The following DIP2B variants were observed in gnomAD, a reference collection of about 807,000 sequenced individuals.
The protein encoded by DIP2B is disco-interacting protein 2 homolog B.
A neutral mutation model predicts 198.0 loss-of-function variants in DIP2B; 76 were observed. That is an observed-to-expected ratio of 0.38 (90% CI 0.32 to 0.46). DIP2B has a LOEUF of 0.46. DIP2B is among the 20% of genes least tolerant of loss of function. The probability of loss-of-function intolerance (pLI) is 0.99; values close to 1 mark genes in which losing one functional copy is unlikely to be tolerated. For synonymous variants in DIP2B, 701 were observed against 739.1 expected, an observed-to-expected ratio of 0.95 and a Z score of 0.84; for missense variants, 1,559 against 1,978.4, an observed-to-expected ratio of 0.79 and a Z score of 4.02.
At chr12:50,660,079 G>T in intron 3 of DIP2B, 115 bp from the exon 4 acceptor site, 3 of 1,040,602 alleles carry the variant, frequency 2.9e-6, no homozygotes, top group Non-Finnish European at 2.6e-6. Context: ...TCATCTGAAC[G>T]TCCCCTTTAC....
At chr12:50,689,621 G>C (rs187367223) in intron 12 of DIP2B, among the ~76,000 whole-genome samples, 1 of 152,138 alleles carries the variant, frequency 6.6e-6, no homozygotes, top group East Asian at 1.9e-4. Flanking sequence ...GGGCAGGGAC[G>C]GGGGTAAAGA....
chr12:50,690,625 A>G (rs961404499), intron 12 of DIP2B, among the ~76,000 whole-genome samples: 2 of 152,210 alleles, frequency 1.3e-5, no homozygotes, highest in Non-Finnish European at 2.9e-5. Flanking sequence ...GGAGGAGCAA[A>G]TAGGCCATTC....
chr12:50,603,140 G>A (rs1958952951), intron 1 of DIP2B, among the ~76,000 whole-genome samples: 1 of 151,648 alleles, frequency 6.6e-6, no homozygotes, highest in Admixed American at 6.6e-5. Flanking sequence ...CTCCAGCCTG[G>A]GCGACAGAGC....
At chr12:50,646,846 A>T (rs138010674) in intron 3 of DIP2B, among the ~76,000 whole-genome samples, 1 of 152,116 alleles carries the variant, frequency 6.6e-6, no homozygotes, top group East Asian at 1.9e-4. Flanking sequence ...TCCAAATCTA[A>T]TCTCTGATCT....
intron 2 of DIP2B, among the ~76,000 whole-genome samples, chr12:50,628,674 A>G (rs528355236): frequency 1.3e-5 from 2 of 152,296 alleles, no homozygotes; most frequent in South Asian, 2.1e-4. Context: ...TTTACTTGTC[A>G]GCCACTTCCA....
intron 13 of DIP2B, 99 bp downstream of exon 13, chr12:50,691,250 C>T: frequency 9.4e-7 from 1 of 1,061,312 alleles, no homozygotes. Context: ...TGACCGAATT[C>T]AGAGTGAAAT....
At chr12:50,624,843 GT>G (rs962787163) in intron 1 of DIP2B, among the ~76,000 whole-genome samples, 2 of 152,172 alleles carry the variant, frequency 1.3e-5, no homozygotes, top group African/African-American at 4.8e-5. Flanking sequence ...GCAGTGCAGT[GT>G]TAAGTCCTCT....
rs1555179948 is a variant in DIP2B, at chr12:50,505,019, C to CGGCGGCGGCGGCGGCGGCGGCGGCGGT, written c.-117_-116insCGGCGGCGGCGGCGGCGGCGGTGGCGG. ...TTGCTCATGGCGGCGGCGGCGGCGG[C>CGGCGGCGGCGGCGGCGGCGGCGGCGGT]GGCGGTGCTGGTGGTGCTCGGCGGC... On this transcript the variant is annotated 5_prime_UTR_variant, in exon 1 of 38. Transcript: ENST00000301180. The CGGCGGCGGCGGCGGCGGCGGCGGCGGT allele has an allele frequency of 3.0e-6, 3 of 1,004,788 alleles. No individual in the cohort carries two copies. The highest frequency in any genetic ancestry group is 3.1e-4 in the Middle Eastern group (1 of 3,198). 62.2% of individuals were successfully genotyped at this position (1,004,788 alleles called of 1,614,324 possible).
chr12:50,613,066 C>T (rs1046337435), intron 1 of DIP2B, among the ~76,000 whole-genome samples: 2 of 152,220 alleles, frequency 1.3e-5, no homozygotes, highest in Admixed American at 6.5e-5. Flanking sequence ...TACGCAAACC[C>T]TCTCTTCCAA....
At chr12:50,549,403 G>A (rs1173864758) in intron 1 of DIP2B, among the ~76,000 whole-genome samples, 1 of 152,090 alleles carries the variant, frequency 6.6e-6, no homozygotes, top group African/African-American at 2.4e-5. Context: ...GGTGGCGGGT[G>A]CCTGTAGTCC....
At chr12:50,716,200 A>G (rs1241561339) in intron 23 of DIP2B, among the ~76,000 whole-genome samples, 1 of 152,172 alleles carries the variant, frequency 6.6e-6, no homozygotes, top group Non-Finnish European at 1.5e-5. Flanking sequence ...CTCCAACATG[A>G]TATATCTATA....
At chr12:50,727,589 TA>T in intron 28 of DIP2B, 113 bp from the exon 29 acceptor site, 1 of 916,420 alleles carries the variant, frequency 1.1e-6, no homozygotes, top group Non-Finnish European at 1.7e-6. Flanking sequence ...ATGAGAGGCC[TA>T]AGCTTTAGCA....
intron 1 of DIP2B, among the ~76,000 whole-genome samples, chr12:50,589,263 A>C (rs10783377): frequency 0.75 from 110,290 of 147,678 alleles, 42,225 homozygotes; most frequent in East Asian, 1. Context: ...GAGATGGAGT[A>C]CCACTCTTTT....
rs748596151 is a variant in DIP2B, at chr12:50,704,203, C to T, written c.2389C>T (p.Leu797=). The change falls in exon 20 of 38, where the codon CTG becomes TTG. Residue 797 remains leucine (L), a synonymous_variant. Coordinates refer to ENST00000301180, the MANE Select transcript of DIP2B (RefSeq NM_173602.3). ...TGTGCCATTCATCCGATCAGGATTG[C>T]TGGGGTTTGTAGGGCCGGTAAGTGA... ...GDVPFIRSGL[L]GFVGPGSLVF... is the part of the protein sequence containing the mutation. 6.2e-7 allele frequency: 1 copy of T among 1,610,924 alleles called. No homozygotes were observed. Among genetic ancestry groups the T allele is most frequent in the African/African-American group, 1.3e-5 (1 of 74,908 alleles).
chr12:50,670,136 A>AC (rs771971712), intron 4 of DIP2B, among the ~76,000 whole-genome samples: 1 of 85,408 alleles, frequency 1.2e-5, no homozygotes, highest in African/African-American at 4.6e-5. Flanking sequence ...TTTTTTACCC[A>AC]CCCCCCACCC....
intron 23 of DIP2B, among the ~76,000 whole-genome samples, chr12:50,717,522 T>C (rs998194935): frequency 8.6e-5 from 13 of 151,796 alleles, no homozygotes; most frequent in South Asian, 2.1e-4. Context: ...CCCGCCACCA[T>C]ACCCGGCTAA....
chr12:50,641,455 A>G (rs1938255598), intron 3 of DIP2B, among the ~76,000 whole-genome samples: 1 of 152,214 alleles, frequency 6.6e-6, no homozygotes, highest in Non-Finnish European at 1.5e-5. Flanking sequence ...AAATAAGTAA[A>G]TAAGAAAGTG....
At chr12:50,557,310 C>G (rs1419281817) in intron 1 of DIP2B, among the ~76,000 whole-genome samples, 8 of 152,158 alleles carry the variant, frequency 5.3e-5, no homozygotes, top group Non-Finnish European at 1.0e-4. Flanking sequence ...ACCTTGCCTT[C>G]CATAGATGGT....
At chr12:50,708,619 C>T in intron 22 of DIP2B, 57 bp downstream of exon 22, 1 of 1,403,904 alleles carries the variant, frequency 7.1e-7, no homozygotes, top group Non-Finnish European at 9.9e-7. Context: ...ACTGCCTAAG[C>T]ATTTCATTTT....
Sources: gnomAD v4.1 joint callset for allele counts (sites outside exome capture counted in the v4.1 genomes callset) on GRCh38, gnomAD v4.1.1 for gene constraint, MANE v1.5 for transcripts, NCBI Gene and HGNC (gene_info 2026-07-23, HGNC 2026-07-21) for gene names.